Variants in KMT2C observed in about 807,000 individuals in gnomAD.
KMT2C encodes the protein histone-lysine N-methyltransferase 2C.
In KMT2C, 88 loss-of-function variants were observed where a neutral mutation model predicts 507.9. That is an observed-to-expected ratio of 0.17 (90% CI 0.15 to 0.21). The LOEUF (loss-of-function observed/expected upper bound fraction) is 0.21, where lower values mean the gene tolerates loss of function less well. KMT2C is among the 10% of genes least tolerant of loss of function. KMT2C has a pLI of 1.00. For synonymous variants in KMT2C, 2,049 were observed against 2,080.8 expected (o/e 0.98, Z 0.42); for missense variants, 4,954 against 5,957.8 (o/e 0.83, Z 5.55).
At position 152,182,998 on chromosome 7, in the gene KMT2C, A is replaced by G. The variant is rs1050721548; in HGVS notation, c.5241T>C (p.His1747=). 1 of 1,599,942 alleles carries G rather than the reference A, an allele frequency of 6.3e-7. No homozygotes were observed. The highest frequency in any genetic ancestry group is 1.3e-5 in the African/African-American group (1 of 74,114). The part of the protein sequence containing the change: ...KDPLKQRESE[H]EQEWKFRQQM... ...CCTGTCTAAATTTCCATTCCTGTTC[A>G]TGTTCTGATTCTCTTTGCTTTAAAG... The change falls in exon 35 of 59, where the codon CAT becomes CAC. Residue 1747 remains histidine (H), a synonymous_variant. Coordinates refer to ENST00000262189, the MANE Select transcript of KMT2C (RefSeq NM_170606.3).
chr7:152,435,741 G>T lies in KMT2C; in HGVS notation c.46C>A (p.Pro16Thr), dbSNP rs751297115. 2.6e-6 allele frequency: 4 copies of T among 1,522,208 alleles called. No homozygotes were observed. In the Admixed American group the frequency reaches 8.4e-5, roughly 32 times the overall value. 94.3% of individuals were successfully genotyped at this position (1,522,208 alleles called of 1,614,324 possible). The change falls in exon 1 of 59, where the codon CCA (proline) becomes ACA (threonine). Residue 16 changes from proline (P) to threonine (T), a missense_variant. Physicochemically the swap from Pro to Thr is conservative, Grantham distance 38 (BLOSUM62 -1). Transcript: ENST00000262189. ...DKSVEQPQPPPPPPEEPGAPA... is the reference protein window; with the variant it reads ...DKSVEQPQPPTPPPEEPGAPA... ...GCTCCAGGCTCCTCGGGGGGTGGTG[G>T]CGGCGGCTGCGGCTGCTCCACGCTC...
rs771877165 is a variant in KMT2C, at chr7:152,148,765, T to C, written c.13162A>G (p.Thr4388Ala). 1.2e-6 allele frequency: 2 copies of C among 1,614,242 alleles called. No homozygotes were observed. Among genetic ancestry groups the C allele is most frequent in the South Asian group, 2.2e-5 (2 of 91,090 alleles). The stretch of plus-strand genomic sequence containing the variant: ...GGCACAGGATCAGGTTTAAGGGAAG[T>C]GCCCAATTTCTTTAGAAATTCATCT... The part of the protein sequence containing the change: ...EIDEFLKKLG[T>A]SLKPDPVPKD... Residue 4388 changes from threonine to alanine, a missense_variant, in exon 52 of 59, where the codon ACT becomes GCT. Physicochemically the swap from Thr to Ala is moderately conservative, Grantham distance 58. This residue lies in a region of KMT2C where 417 missense variants were observed against 461.1 expected (regional missense o/e 0.90). Transcript: ENST00000262189. This position sits in a 1 kb window ranked among gnomAD's most constrained non-coding sequence, Gnocchi z 7.1.
At chr7:152,197,068 T>C (rs958147253) in intron 27 of KMT2C, among the ~76,000 whole-genome samples, 20 of 152,028 alleles carry the variant, frequency 1.3e-4, no homozygotes, top group African/African-American at 3.1e-4. Flanking sequence ...GGCTGCTATA[T>C]GTAGAGCAGA....
intron 5 of KMT2C, among the ~76,000 whole-genome samples, chr7:152,310,665 T>A (rs1400863167): frequency 6.6e-6 from 1 of 151,770 alleles, no homozygotes; most frequent in Admixed American, 6.6e-5. Flanking sequence ...TTGGTTCTGT[T>A]TTTTTTTGTT....
chr7:152,391,088 G>A lies in KMT2C; in HGVS notation c.162-32413C>T, dbSNP rs1040927985. 4.2e-5 allele frequency among the ~76,000 whole-genome samples: 5 copies of A among 119,516 alleles called. No homozygotes were observed. The East Asian group carries it at 1.5e-3, about 36-fold the overall frequency. The allele number at this position is 119,516 out of a possible 152,430, so 78.4% of individuals were successfully genotyped here. ...GAACCAGGGAGGCGGAGGCTGCAGT[G>A]AGCCGAGATTGCACCACTGCACTCC... On this transcript the variant is annotated intron_variant, in intron 1 of 58. Transcript: ENST00000262189.
At chr7:152,353,207 G>A (rs1290283750) in intron 2 of KMT2C, among the ~76,000 whole-genome samples, 8 of 151,978 alleles carry the variant, frequency 5.3e-5, no homozygotes, top group Non-Finnish European at 7.3e-5. Flanking sequence ...GGTGGATCAC[G>A]AGGTCAGGAG....
At chr7:152,325,796 T>A (rs2096822987) in intron 3 of KMT2C, among the ~76,000 whole-genome samples, 1 of 152,170 alleles carries the variant, frequency 6.6e-6, no homozygotes, top group Non-Finnish European at 1.5e-5. Flanking sequence ...TTAAAAGTCT[T>A]TCCTTACCCC....
chr7:152,269,235 T>G (rs563728114), intron 7 of KMT2C, among the ~76,000 whole-genome samples: 41 of 152,340 alleles, frequency 2.7e-4, no homozygotes, highest in Non-Finnish European at 5.3e-4. Flanking sequence ...GTTCTTTGAT[T>G]ACTATGGATC....
chr7:152,216,462 A>G (rs2094585887), intron 23 of KMT2C, among the ~76,000 whole-genome samples: 1 of 152,216 alleles, frequency 6.6e-6, no homozygotes, highest in African/African-American at 2.4e-5. Flanking sequence ...ATAATGTGTA[A>G]TATTACATTC....
intron 23 of KMT2C, among the ~76,000 whole-genome samples, chr7:152,214,522 A>G (rs2094526258): frequency 6.6e-6 from 1 of 152,136 alleles, no homozygotes; most frequent in Admixed American, 6.5e-5. Flanking sequence ...TGCAAAATGA[A>G]AAAAAAATCA....
At chr7:152,271,525 T>G (rs1439999295) in intron 7 of KMT2C, among the ~76,000 whole-genome samples, 2 of 151,698 alleles carry the variant, frequency 1.3e-5, no homozygotes, top group Non-Finnish European at 2.9e-5. Context: ...TACAAAAAAT[T>G]AGCCGGGTGT....
chr7:152,344,909 C>G (rs1174448255), intron 2 of KMT2C, among the ~76,000 whole-genome samples: 2 of 152,082 alleles, frequency 1.3e-5, no homozygotes, highest in Admixed American at 6.5e-5. Flanking sequence ...ATGGCGTGAA[C>G]CCAGGAGGCG....
At chr7:152,410,382 A>AG (rs1361298023) in intron 1 of KMT2C, among the ~76,000 whole-genome samples, 3 of 150,072 alleles carry the variant, frequency 2.0e-5, no homozygotes, top group Non-Finnish European at 4.4e-5. Flanking sequence ...CTCGCACTCC[A>AG]GCTTGGGCGA....
chr7:152,357,389 TG>T (rs1370920012), intron 2 of KMT2C, among the ~76,000 whole-genome samples: 6 of 152,048 alleles, frequency 3.9e-5, no homozygotes, highest in African/African-American at 1.5e-4. Flanking sequence ...CTGGGTGTGG[TG>T]GCGGGCGCCT....
At chr7:152,390,741 T>G (rs2097486492) in intron 1 of KMT2C, among the ~76,000 whole-genome samples, 1 of 152,108 alleles carries the variant, frequency 6.6e-6, no homozygotes, top group African/African-American at 2.4e-5. Flanking sequence ...CGTTTGATAT[T>G]AAGGACCATG....
intron 1 of KMT2C, among the ~76,000 whole-genome samples, chr7:152,366,496 GA>G (rs903666269): frequency 4.6e-5 from 7 of 150,646 alleles, no homozygotes; most frequent in Non-Finnish European, 8.9e-5. Flanking sequence ...CAGTCACAAA[GA>G]AAAAAAAATA....
At chr7:152,365,970 CA>C (rs1400199593) in intron 1 of KMT2C, among the ~76,000 whole-genome samples, 1 of 151,830 alleles carries the variant, frequency 6.6e-6, no homozygotes, top group East Asian at 1.9e-4. Flanking sequence ...AGAAGTTATA[CA>C]AATGACCAAA....
At chr7:152,211,867 T>C (rs2094462298) in intron 23 of KMT2C, among the ~76,000 whole-genome samples, 1 of 151,854 alleles carries the variant, frequency 6.6e-6, no homozygotes, top group Non-Finnish European at 1.5e-5. Context: ...GCTAACACAG[T>C]GAAAACCCGT....
intron 3 of KMT2C, among the ~76,000 whole-genome samples, chr7:152,324,525 TATAAC>T (rs1471783405): frequency 6.6e-6 from 1 of 151,568 alleles, no homozygotes; most frequent in Non-Finnish European, 1.5e-5. Context: ...CTGAGAAAAA[TATAAC>T]ATGAGAAAAT....
Sources: gnomAD v4.1 joint callset for allele counts (sites outside exome capture counted in the v4.1 genomes callset) on GRCh38, gnomAD v4.1.1 for gene constraint, gnomAD v4.1.1 regional missense constraint, Gnocchi (gnomAD v3.1) non-coding constraint, MANE v1.5 for transcripts, NCBI Gene and HGNC (gene_info 2026-07-23, HGNC 2026-07-21) for gene names.